TMEM44: variants seen among roughly 807,000 people sequenced by gnomAD.
The protein encoded by TMEM44 is transmembrane protein 44.
A neutral mutation model predicts 47.8 loss-of-function variants in TMEM44; 43 were observed. That is an observed-to-expected ratio of 0.90 (90% CI 0.70 to 1.16). The LOEUF is 1.16. Among genes scored for constraint, TMEM44 ranks in the 50% most tolerant of loss-of-function variants. TMEM44 has a pLI of 0.00. For synonymous variants in TMEM44, 277 were observed against 238.8 expected (o/e 1.16, Z -1.48); for missense variants, 568 against 555.2 (o/e 1.02, Z -0.23).
At position 194,633,198 on chromosome 3, in the gene TMEM44, G is replaced by A; in HGVS notation, c.18C>T (p.Ser6=). Reference sequence around the variant, plus strand: ...CCCAGTCCCAGAGCGCGGGCGCGGGGCTGGGCGCCTCCCCCATGGCGCGGC... The same window carrying A: ...CCCAGTCCCAGAGCGCGGGCGCGGGACTGGGCGCCTCCCCCATGGCGCGGC... The part of the protein sequence containing the change: MGEAP[S]PAPALWDWDY... Residue 6 remains serine (S), a synonymous_variant, in exon 1 of 10, where the codon AGC becomes AGT. Transcript: ENST00000347147. The A allele has an allele frequency of 6.7e-7, 1 of 1,497,108 alleles. No homozygotes were observed. Among genetic ancestry groups the A allele is most frequent in the Non-Finnish European group, 8.9e-7 (1 of 1,122,780 alleles). 92.7% of individuals were successfully genotyped at this position (1,497,108 alleles called of 1,614,324 possible).
chr3:194,601,301 C>A (rs1714084758), intron 9 of TMEM44, among the ~76,000 whole-genome samples: 1 of 151,416 alleles, frequency 6.6e-6, no homozygotes. Flanking sequence ...CCACGCCTGG[C>A]TAATTTTCTT....
At chr3:194,631,827 C>T (rs889779842) in intron 1 of TMEM44, among the ~76,000 whole-genome samples, 9 of 152,174 alleles carry the variant, frequency 5.9e-5, no homozygotes, top group Non-Finnish European at 1.3e-4. Flanking sequence ...AGGGGAGGTT[C>T]AGGGATGGCA....
At chr3:194,621,001 G>C (rs1396344417) in intron 5 of TMEM44, among the ~76,000 whole-genome samples, 1 of 150,596 alleles carries the variant, frequency 6.6e-6, no homozygotes, top group Non-Finnish European at 1.5e-5. Context: ...CTCCAGTCTG[G>C]GCAACAGAGC....
At chr3:194,598,358 A>T (rs779848989) in intron 9 of TMEM44, among the ~76,000 whole-genome samples, 4 of 152,126 alleles carry the variant, frequency 2.6e-5, no homozygotes, top group Non-Finnish European at 5.9e-5. Flanking sequence ...GTAAAATGGG[A>T]ATAATGGATA....
rs750989455 is a variant in TMEM44 at position 194,588,606 on chromosome 3, T to C, written c.1210A>G (p.Lys404Glu). The part of the protein sequence containing the change: ...DPEDVNLEGS[K>E]ENVELLGSQV... ...GATCCCAGTAGCTCCACATTTTCTT[T>C]GCTGCCTTCGAGGTTCACATCTTCA... The change falls in exon 10 of 10, where the codon AAA becomes GAA. Residue 404 changes from lysine to glutamate, a missense_variant. Transcript: ENST00000347147. 3.1e-6 allele frequency: 5 copies of C among 1,614,232 alleles called. No homozygotes were observed. The East Asian group carries it at 8.9e-5, about 29-fold the overall frequency.
intron 1 of TMEM44, among the ~76,000 whole-genome samples, chr3:194,632,215 A>G (rs911248784): frequency 6.6e-6 from 1 of 152,244 alleles, no homozygotes; most frequent in Non-Finnish European, 1.5e-5. Context: ...CTGGGCCTAC[A>G]GTAAATGTTC....
At chr3:194,600,491 G>A (rs887065276) in intron 9 of TMEM44, among the ~76,000 whole-genome samples, 5 of 150,744 alleles carry the variant, frequency 3.3e-5, no homozygotes, top group Admixed American at 1.3e-4. Context: ...GCTCACGCCT[G>A]TAATCCCAGC....
intron 8 of TMEM44, among the ~76,000 whole-genome samples, chr3:194,610,559 C>G (rs1276355290): frequency 6.6e-6 from 1 of 152,166 alleles, no homozygotes; most frequent in Non-Finnish European, 1.5e-5. Flanking sequence ...CACAGGTCCT[C>G]CCTCACCTTG....
chr3:194,613,951 A>G (rs185345562), intron 7 of TMEM44, among the ~76,000 whole-genome samples: 1 of 151,618 alleles, frequency 6.6e-6, no homozygotes, highest in African/African-American at 2.4e-5. Flanking sequence ...GGAGAAACCC[A>G]GTCTCTACTA....
rs114841267 is a variant in TMEM44 at position 194,629,517 on chromosome 3, C to T, written c.138-1008G>A. Among the ~76,000 whole-genome samples the T allele has an allele frequency of 7.0e-3, 1,063 of 151,934 alleles. 7 individuals are homozygous for T. Among genetic ancestry groups the T allele is most frequent in the African/African-American group, 0.024 (1,006 of 41,434 alleles). On this transcript the variant is annotated intron_variant, in intron 1 of 9. Coordinates refer to ENST00000347147, the MANE Select transcript of TMEM44 (RefSeq NM_001011655.3). ...GAAATACGTTGTTGTACATGCCTCC[C>T]GAAGGGGCTGGCTGTATCTATCGGC... is the stretch of plus-strand genomic sequence containing the variant.
chr3:194,607,165 G>T (rs1239378699), intron 8 of TMEM44, among the ~76,000 whole-genome samples: 2 of 152,086 alleles, frequency 1.3e-5, no homozygotes, highest in Non-Finnish European at 2.9e-5. Context: ...ACTTTGTTCT[G>T]CAAGAACTGC....
At chr3:194,626,917 G>A (rs1717245054) in intron 2 of TMEM44, among the ~76,000 whole-genome samples, 1 of 124,568 alleles carries the variant, frequency 8.0e-6, no homozygotes, top group Non-Finnish European at 1.7e-5. Context: ...ACTTGAGCTG[G>A]GACCTACTGT....
chr3:194,596,106 T>C (rs2109154041), intron 9 of TMEM44, among the ~76,000 whole-genome samples: 1 of 152,030 alleles, frequency 6.6e-6, no homozygotes, highest in African/African-American at 2.4e-5. Flanking sequence ...ACGGCACAGA[T>C]GGGGAGGCGT....
In TMEM44 at chr3:194,633,402, G is replaced by A. The variant is rs1381233256; in HGVS notation, c.-187C>T. Reference sequence around the variant, plus strand: ...CCCGGGCGCGGGCGGCGGCGGCGAAGGCGCCGGGGAAAAGTTTCCGGGACC... The same window carrying A: ...CCCGGGCGCGGGCGGCGGCGGCGAAAGCGCCGGGGAAAAGTTTCCGGGACC... On this transcript the variant is annotated 5_prime_UTR_variant, in exon 1 of 10. Coordinates refer to ENST00000347147, the MANE Select transcript of TMEM44 (RefSeq NM_001011655.3). 2 of 172,960 alleles carry A rather than the reference G, an allele frequency of 1.2e-5. No homozygotes were observed. The highest frequency in any genetic ancestry group is 4.8e-5 in the African/African-American group (2 of 41,864). The allele number at this position is 172,960 out of a possible 1,614,324, so 10.7% of individuals were successfully genotyped here.
At chr3:194,593,103 T>C (rs1773184) in intron 9 of TMEM44, 1,461,422 of 1,611,540 alleles carry the variant, frequency 0.91, 663,308 homozygotes, top group East Asian at 0.97. Context: ...ACAGAAAAAG[T>C]GTTGGACAGA....
chr3:194,603,908 C>T (rs1234268946), intron 9 of TMEM44, among the ~76,000 whole-genome samples: 1 of 151,944 alleles, frequency 6.6e-6, no homozygotes, highest in Non-Finnish European at 1.5e-5. Context: ...GACTAAAGTG[C>T]AATGGCGCAA....
chr3:194,628,317 CAG>C (rs1717387778), intron 2 of TMEM44, 64 bp downstream of exon 2: 1 of 1,551,944 alleles, frequency 6.4e-7, no homozygotes, highest in Non-Finnish European at 8.7e-7. Flanking sequence ...ACGGCTGCAG[CAG>C]AGAGAAAGGC....
chr3:194,630,373 C>T (rs1459435784), intron 1 of TMEM44, among the ~76,000 whole-genome samples: 4 of 111,698 alleles, frequency 3.6e-5, no homozygotes, highest in Non-Finnish European at 5.3e-5. Flanking sequence ...ACCTGCCTCC[C>T]GAAGGGGCTG....
At chr3:194,603,287 G>A (rs890279899) in intron 9 of TMEM44, among the ~76,000 whole-genome samples, 4 of 152,238 alleles carry the variant, frequency 2.6e-5, no homozygotes, top group African/African-American at 7.2e-5. Flanking sequence ...GGTGTCAGCC[G>A]TGGTGCCCAC....
Sources: allele counts gnomAD v4.1 joint callset (sites outside exome capture counted in the v4.1 genomes callset), GRCh38; gene constraint gnomAD v4.1.1; transcripts MANE v1.5; gene names NCBI Gene and HGNC (gene_info 2026-07-23, HGNC 2026-07-21).